The following CCNT2 variants were observed in gnomAD, a reference collection of about 807,000 sequenced individuals.
CCNT2 encodes cyclin T2.
CCNT2 carries 18 observed loss-of-function variants against 70.0 expected under a neutral mutation model. The observed-to-expected ratio is 0.26, with a 90% CI of 0.18 to 0.38. CCNT2 has a LOEUF of 0.38. Among genes scored for constraint, CCNT2 ranks in the 10% least tolerant of loss-of-function variants. CCNT2 has a pLI of 1.00. For synonymous variants in CCNT2, 334 were observed against 313.3 expected, an observed-to-expected ratio of 1.07 and a Z score of -0.70; for missense variants, 734 against 890.2, an observed-to-expected ratio of 0.82 and a Z score of 2.23.
chr2:134,946,005 G>A (rs1681931649), intron 5 of CCNT2, 96 bp from the exon 6 acceptor site: 2 of 1,606,168 alleles, frequency 1.2e-6, no homozygotes, highest in Admixed American at 1.7e-5. Flanking sequence ...TACTTTTTGT[G>A]TACAAATCTT....
rs1682909448 is a variant in CCNT2, at chr2:134,956,158, AT to A, written c.*1516del. 1 of 152,560 alleles carries A rather than the reference AT, an allele frequency of 6.6e-6. No homozygotes were observed. The highest frequency in any genetic ancestry group is 1.5e-5 in the Non-Finnish European group (1 of 68,022). The allele number at this position is 152,560 out of a possible 1,614,324, so 9.5% of individuals were successfully genotyped here. On this transcript the variant is annotated 3_prime_UTR_variant, in exon 9 of 9. Coordinates refer to ENST00000264157, the MANE Select transcript of CCNT2 (RefSeq NM_058241.3). ...GACCTCTTGTTGAACTGAAAACTTA[AT>A]TTTTTCTCTGTATTTTTGTTACAAA...
At chr2:134,944,381 T>C in intron 5 of CCNT2, 10 of 963,642 alleles carry the variant, frequency 1.0e-5, no homozygotes, top group Non-Finnish European at 1.2e-5. Context: ...AAAATATTAC[T>C]TGTGAATATT....
intron 5 of CCNT2, chr2:134,943,346 A>G: frequency 1.4e-6 from 1 of 730,334 alleles, no homozygotes; most frequent in Non-Finnish European, 1.7e-6. Context: ...GGTTGCAGTG[A>G]GCCCAGATCA....
chr2:134,951,366 A>G (rs1682485520), intron 7 of CCNT2, among the ~76,000 whole-genome samples: 1 of 152,166 alleles, frequency 6.6e-6, no homozygotes, highest in African/African-American at 2.4e-5. Flanking sequence ...TGAATATTTG[A>G]GAGTGGCTAG....
chr2:134,929,979 T>TA (rs112776052), intron 2 of CCNT2, among the ~76,000 whole-genome samples: 54 of 143,470 alleles, frequency 3.8e-4, no homozygotes, highest in East Asian at 8.4e-4. Flanking sequence ...GTTAGCTCCT[T>TA]AAAAAAAAAA....
chr2:134,952,289 C>G (rs1178539541), intron 7 of CCNT2, among the ~76,000 whole-genome samples: 1 of 151,984 alleles, frequency 6.6e-6, no homozygotes, highest in Non-Finnish European at 1.5e-5. Flanking sequence ...CTTTTGTCCA[C>G]TAATTTTAAA....
chr2:134,944,926 G>C (rs1339973832), intron 5 of CCNT2: 1 of 984,992 alleles, frequency 1.0e-6, no homozygotes, highest in African/African-American at 1.7e-5. Context: ...TATTCGGAGG[G>C]GGAGGGGAAA....
At position 134,953,348 on chromosome 2, in the gene CCNT2, A is replaced by G; in HGVS notation, c.893A>G (p.Asn298Ser). 1 of 1,607,264 alleles carries G rather than the reference A, an allele frequency of 6.2e-7. No individual in the cohort carries two copies. Among genetic ancestry groups the G allele is most frequent in the Non-Finnish European group, 8.5e-7 (1 of 1,176,150 alleles). Residue 298 changes from asparagine to serine, a missense_variant, in exon 9 of 9, where the codon AAC becomes AGC. Asn to Ser is a conservative substitution (Grantham distance 46). Transcript: ENST00000264157. ...LVDSVTGVPT[N>S]PSFQKPSTSA... ...GATAGTGTCACTGGTGTGCCTACAA[A>G]CCCAAGTTTTCAGAAACCATCTACA...
rs188150670 is a variant in CCNT2 at position 134,950,736 on chromosome 2, C to G, written c.704-1905C>G. On this transcript the variant is annotated intron_variant, in intron 7 of 8. Coordinates refer to ENST00000264157, the MANE Select transcript of CCNT2 (RefSeq NM_058241.3). ...AATAATTCACTTAATGATTGTGTTC[C>G]AGAAAAGAACATTGGCTTAGACAGT... is the stretch of plus-strand genomic sequence containing the variant. 3.9e-4 allele frequency among the ~76,000 whole-genome samples: 60 copies of G among 152,262 alleles called. 2 individuals carry two copies. The Middle Eastern group carries it at 0.01, about 26-fold the overall frequency.
In CCNT2 at chr2:134,958,817, CCTT is replaced by C. The variant is rs1374130487; in HGVS notation, c.*4173_*4175del. ...ACAGCCAGTTTTTACCTCTGTGGCA[CCTT>C]CTTTATAATTTACTGTTACCTATTC... On this transcript the variant is annotated 3_prime_UTR_variant, in exon 9 of 9. Transcript: ENST00000264157. The C allele has an allele frequency of 2.0e-5, 3 of 152,290 alleles. No individual in the cohort carries two copies. Among genetic ancestry groups the C allele is most frequent in the South Asian group, 2.1e-4 (1 of 4,820 alleles). 9.4% of individuals were successfully genotyped at this position (152,290 alleles called of 1,614,324 possible). A position where few individuals can be genotyped will look rare whatever the true frequency, so the allele number is the denominator to read the frequency against.
chr2:134,935,369 G>T (rs1036364051), intron 2 of CCNT2, among the ~76,000 whole-genome samples: 4 of 152,180 alleles, frequency 2.6e-5, no homozygotes, highest in African/African-American at 7.2e-5. Context: ...TTACACATCT[G>T]CAAATGCAGT....
intron 7 of CCNT2, among the ~76,000 whole-genome samples, chr2:134,948,581 G>A (rs988795611): frequency 6.6e-6 from 1 of 152,138 alleles, no homozygotes; most frequent in Non-Finnish European, 1.5e-5. Context: ...CTGTTAATTA[G>A]GAACGTGGAA....
intron 4 of CCNT2, among the ~76,000 whole-genome samples, chr2:134,940,222 C>T (rs573556907): frequency 6.6e-6 from 1 of 152,256 alleles, no homozygotes; most frequent in Non-Finnish European, 1.5e-5. Context: ...AATACATATG[C>T]AGTTGACCCT....
rs1683032552 is a variant in CCNT2 at position 134,958,170 on chromosome 2, A to G, written c.*3522A>G. 6.6e-6 allele frequency: 1 copy of G among 152,186 alleles called. No homozygotes were observed. The highest frequency in any genetic ancestry group is 2.1e-4 in the South Asian group (1 of 4,834). 9.4% of individuals were successfully genotyped at this position (152,186 alleles called of 1,614,324 possible). A position where few individuals can be genotyped will look rare whatever the true frequency, so the allele number is the denominator to read the frequency against. ...TTGATTAGATATTTCAGGGTTTTGC[A>G]TTTTCTATAGACATGGGGACTTTTT... On this transcript the variant is annotated 3_prime_UTR_variant, in exon 9 of 9. Coordinates refer to ENST00000264157, the MANE Select transcript of CCNT2 (RefSeq NM_058241.3).
chr2:134,954,187 T>C lies in CCNT2; in HGVS notation c.1732T>C (p.Ser578Pro). ...CACCAGCAGCCACAAGCATTCCCACTCGCATAGTGGCAGCAGCAGCGGTGG... is the reference window on the plus strand; with the variant it reads ...CACCAGCAGCCACAAGCATTCCCACCCGCATAGTGGCAGCAGCAGCGGTGG... ...HHTSSHKHSH[S>P]HSGSSSGGSK... The change falls in exon 9 of 9, where the codon TCG (serine) becomes CCG (proline). Residue 578 changes from serine (S) to proline (P), a missense_variant. Physicochemically the swap from Ser to Pro is moderately conservative, Grantham distance 74 (BLOSUM62 -1). Around this residue, in one of 3 missense-constraint regions of CCNT2, gnomAD observed 532 missense variants for 556.9 expected, o/e 0.96. Coordinates refer to ENST00000264157, the MANE Select transcript of CCNT2 (RefSeq NM_058241.3). 1.1e-5 allele frequency: 18 copies of C among 1,614,070 alleles called. No homozygotes were observed. The highest frequency in any genetic ancestry group is 1.5e-5 in the Non-Finnish European group (18 of 1,179,994).
At chr2:134,948,108 C>T (rs1427672570) in intron 7 of CCNT2, among the ~76,000 whole-genome samples, 1 of 151,776 alleles carries the variant, frequency 6.6e-6, no homozygotes, top group Non-Finnish European at 1.5e-5. Flanking sequence ...TCACTTGAGC[C>T]CAGGAGTTCA....
rs1480663204 is a variant in CCNT2, at chr2:134,958,918, G to A, written c.*4270G>A. On this transcript the variant is annotated 3_prime_UTR_variant, in exon 9 of 9. Coordinates refer to ENST00000264157, the MANE Select transcript of CCNT2 (RefSeq NM_058241.3). ...AATGGCTAGGAGTAATTCTGTTCTC[G>A]TATAGGCAACTTAACTTCACTGTGG... The A allele has an allele frequency of 3.3e-5, 5 of 152,246 alleles. No homozygotes were observed. Among genetic ancestry groups the A allele is most frequent in the African/African-American group, 7.2e-5 (3 of 41,536 alleles). The allele number at this position is 152,246 out of a possible 1,614,324, so 9.4% of individuals were successfully genotyped here. A position where few individuals can be genotyped will look rare whatever the true frequency, so the allele number is the denominator to read the frequency against.
At chr2:134,951,893 T>C (rs965206741) in intron 7 of CCNT2, among the ~76,000 whole-genome samples, 3 of 152,228 alleles carry the variant, frequency 2.0e-5, no homozygotes, top group Non-Finnish European at 4.4e-5. Context: ...TTAGTTGACA[T>C]GTCCCTTCAA....
At chr2:134,927,917 A>G (rs559741765) in intron 2 of CCNT2, among the ~76,000 whole-genome samples, 1 of 152,336 alleles carries the variant, frequency 6.6e-6, no homozygotes, top group South Asian at 2.1e-4. Flanking sequence ...TTATATGGCT[A>G]TACATAAGGA....
Sources: gnomAD v4.1 joint callset for allele counts (sites outside exome capture counted in the v4.1 genomes callset) on GRCh38, gnomAD v4.1.1 for gene constraint, gnomAD v4.1.1 regional missense constraint, MANE v1.5 for transcripts, NCBI Gene and HGNC (gene_info 2026-07-23, HGNC 2026-07-21) for gene names.